Variants in DENND6A observed in about 807,000 individuals in gnomAD.
DENND6A encodes the protein DENN domain containing 6A, also known as protein DENND6A.
A neutral mutation model predicts 95.5 loss-of-function variants in DENND6A; 43 were observed. The ratio of observed to expected loss-of-function variants is 0.45; its 90% CI spans 0.35 to 0.58. DENND6A has a LOEUF of 0.58. Ranked by LOEUF, DENND6A falls within the 20% of genes least tolerant of loss-of-function variation. The pLI is 0.00. For missense variants in DENND6A, 574 were observed against 736.0 expected, an observed-to-expected ratio of 0.78 and a Z score of 2.55; for synonymous variants, 257 against 260.4, an observed-to-expected ratio of 0.99 and a Z score of 0.13.
rs1179824805 is a variant in DENND6A at position 57,641,711 on chromosome 3, A to C, written c.1074T>G (p.Phe358Leu). Residue 358 changes from phenylalanine to leucine, a missense_variant, in exon 12 of 20, where the codon TTT becomes TTG. Physicochemically the swap from Phe to Leu is conservative, Grantham distance 22. This residue lies in a region of DENND6A where 452 missense variants were observed against 630.9 expected (regional missense o/e 0.72). Transcript: ENST00000311128. ...SVILGVTNPF[F>L]AKTLQHWPHI... is the part of the protein sequence containing the mutation. ...GTGGCCAGTGCTGGAGTGTCTTAGC[A>C]AAAAAAGGGTTGGTTACTCCTAATA... The C allele has an allele frequency of 6.2e-7, 1 of 1,611,466 alleles. No homozygotes were observed. The highest frequency in any genetic ancestry group is 1.7e-5 in the Admixed American group (1 of 59,846).
intron 18 of DENND6A, 77 bp downstream of exon 18, chr3:57,630,344 C>T: frequency 7.6e-7 from 1 of 1,308,352 alleles, no homozygotes; most frequent in South Asian, 1.5e-5. Context: ...ATAAAGGGTA[C>T]AATCTTCAAC....
chr3:57,692,933 G>A lies in DENND6A; in HGVS notation c.86C>T (p.Ala29Val), dbSNP rs2077284763. The A allele has an allele frequency of 6.4e-7, 1 of 1,560,136 alleles. No individual in the cohort carries two copies. The highest frequency in any genetic ancestry group is 8.6e-7 in the Non-Finnish European group (1 of 1,159,832). Residue 29 changes from alanine (A) to valine (V), a missense_variant, in exon 1 of 20, where the codon GCG (alanine) becomes GTG (valine). Ala to Val is a moderately conservative substitution (Grantham distance 64, BLOSUM62 0). Around this residue, in one of 2 missense-constraint regions of DENND6A, gnomAD observed 122 missense variants for 105.1 expected, o/e 1.16. Transcript: ENST00000311128. ...EAVAGAEGRE[A>V]PALVAAGGAP... Reference sequence around the variant, plus strand: ...GCCTCCCGCCGCCACAAGGGCCGGCGCCTCGCGGCCCTCGGCCCCTGCCAC... The same window carrying A: ...GCCTCCCGCCGCCACAAGGGCCGGCACCTCGCGGCCCTCGGCCCCTGCCAC...
chr3:57,659,051 C>A, intron 8 of DENND6A, 67 bp downstream of exon 8: 7 of 1,443,588 alleles, frequency 4.8e-6, no homozygotes, highest in Non-Finnish European at 6.7e-6. Flanking sequence ...TCTGCATTTG[C>A]TAGTTTAAAA....
chr3:57,661,641 A>G, intron 5 of DENND6A, 90 bp from the exon 6 acceptor site: 1 of 1,030,886 alleles, frequency 9.7e-7, no homozygotes, highest in Middle Eastern at 2.0e-4. Flanking sequence ...TTCAGCAAAA[A>G]GTGTGGATTT....
Position 57,661,809 on chromosome 3 carries a change from T to C in DENND6A, c.514-258A>G, listed in dbSNP as rs570763491. 2.6e-5 allele frequency among the ~76,000 whole-genome samples: 4 copies of C among 152,292 alleles called. No homozygotes were observed. The East Asian group carries it at 5.8e-4, about 22-fold the overall frequency. ...AAAGAATTTCCTATCAACAAACTAA[T>C]GTCATGAGTAACTTCAAAAGTCTAG... On this transcript the variant is annotated intron_variant, in intron 5 of 19. Coordinates refer to ENST00000311128, the MANE Select transcript of DENND6A (RefSeq NM_152678.3).
chr3:57,633,382 T>C (rs753214193), intron 14 of DENND6A, 28 bp from the exon 15 acceptor site: 18 of 1,556,638 alleles, frequency 1.2e-5, no homozygotes, highest in Non-Finnish European at 1.6e-5. Flanking sequence ...TGAGAATCTG[T>C]ATTCTAGTGT....
intron 9 of DENND6A, among the ~76,000 whole-genome samples, chr3:57,651,387 A>G (rs1246825541): frequency 6.6e-6 from 1 of 152,198 alleles, no homozygotes; most frequent in Admixed American, 6.5e-5. Flanking sequence ...TATAAACATT[A>G]TTCTGGGTGA....
At chr3:57,653,054 G>A (rs2071242893) in intron 9 of DENND6A, among the ~76,000 whole-genome samples, 1 of 152,116 alleles carries the variant, frequency 6.6e-6, no homozygotes, top group Non-Finnish European at 1.5e-5. Context: ...TTGTTTGTAG[G>A]AAATAGACTC....
chr3:57,681,840 T>C lies in DENND6A; in HGVS notation c.238-9402A>G, dbSNP rs979253406. On this transcript the variant is annotated intron_variant, in intron 1 of 19. Coordinates refer to ENST00000311128, the MANE Select transcript of DENND6A (RefSeq NM_152678.3). The stretch of plus-strand genomic sequence containing the variant: ...CAGAAGCTTATTAGTGGCTGCTAGA[T>C]GCCAGGGAAAAAGTGGAATGGGTAT... Among the ~76,000 whole-genome samples the C allele has an allele frequency of 2.6e-5, 4 of 152,114 alleles. No homozygotes were observed. The East Asian group carries it at 5.8e-4, about 22-fold the overall frequency.
At chr3:57,630,851 G>A in intron 16 of DENND6A, 27 bp from the exon 17 acceptor site, 1 of 1,610,374 alleles carries the variant, frequency 6.2e-7, no homozygotes. Context: ...ATAATATTTA[G>A]AAATTAGGAG....
At chr3:57,628,656 A>G (rs557096311) in intron 19 of DENND6A, among the ~76,000 whole-genome samples, 155 bp downstream of exon 19, 1 of 152,362 alleles carries the variant, frequency 6.6e-6, no homozygotes, top group East Asian at 1.9e-4. Flanking sequence ...TCAGTGACCA[A>G]GTATTTTCAG....
rs1189672713 is a variant in DENND6A, at chr3:57,663,463, CA to C, written c.513+172del. 6.9e-4 allele frequency among the ~76,000 whole-genome samples: 36 copies of C among 51,938 alleles called. No homozygotes were observed. The East Asian group carries it at 0.021, about 30-fold the overall frequency. 34.1% of individuals were successfully genotyped at this position (51,938 alleles called of 152,430 possible). On this transcript the variant is annotated intron_variant, in intron 5 of 19. Coordinates refer to ENST00000311128, the MANE Select transcript of DENND6A (RefSeq NM_152678.3). ...TGGGTGACAGAGCGAGACTCCACCT[CA>C]AAAAAAAAAAAAAAAAAAAAAAAAT...
chr3:57,677,282 T>C (rs1464128014), intron 1 of DENND6A, among the ~76,000 whole-genome samples: 1 of 152,208 alleles, frequency 6.6e-6, no homozygotes, highest in Non-Finnish European at 1.5e-5. Flanking sequence ...AGCAGGAAGA[T>C]GGACAGAAAC....
At chr3:57,663,761 A>AT (rs1434576809) in intron 4 of DENND6A, 45 bp from the exon 5 acceptor site, 1 of 1,159,170 alleles carries the variant, frequency 8.6e-7, no homozygotes, top group East Asian at 2.5e-5. Flanking sequence ...GGGTACATAT[A>AT]TATGTATCTA....
chr3:57,636,707 C>A (rs763359433), intron 12 of DENND6A, among the ~76,000 whole-genome samples: 1 of 152,130 alleles, frequency 6.6e-6, no homozygotes, highest in East Asian at 1.9e-4. Flanking sequence ...AAAGCTGAGG[C>A]GGGTGGATCA....
chr3:57,643,871 C>T (rs1029217738), intron 11 of DENND6A, among the ~76,000 whole-genome samples: 3 of 151,318 alleles, frequency 2.0e-5, no homozygotes, highest in Non-Finnish European at 2.9e-5. Flanking sequence ...CAGTCTGGGC[C>T]AGGCGTGGTG....
intron 12 of DENND6A, among the ~76,000 whole-genome samples, chr3:57,635,171 A>G (rs2153412433): frequency 6.6e-6 from 1 of 152,276 alleles, no homozygotes; most frequent in Non-Finnish European, 1.5e-5. Context: ...TTAAATGACT[A>G]TGCAGATGTA....
At chr3:57,677,158 A>G (rs2071724405) in intron 1 of DENND6A, among the ~76,000 whole-genome samples, 1 of 152,076 alleles carries the variant, frequency 6.6e-6, no homozygotes, top group Non-Finnish European at 1.5e-5. Flanking sequence ...CAACTTTCCC[A>G]ACACTATTTG....
rs2070575843 is a variant in DENND6A at position 57,628,242 on chromosome 3, C to G, written c.1799G>C (p.Gly600Ala). ...TGTCATGCCCGTTTTGAGCAGTATG[C>G]CTTGCAAGTCCTCTGGCAATGCTAA... ...IILALPEDLQGILLKTGMT is the reference protein window; with the variant it reads ...IILALPEDLQAILLKTGMT The change falls in exon 20 of 20, where the codon GGC becomes GCC. Residue 600 changes from glycine (G) to alanine (A), a missense_variant. Around this residue, in one of 2 missense-constraint regions of DENND6A, gnomAD observed 452 missense variants for 630.9 expected, o/e 0.72. Transcript: ENST00000311128. The G allele has an allele frequency of 1.2e-6, 2 of 1,613,666 alleles. No homozygotes were observed. The highest frequency in any genetic ancestry group is 1.3e-5 in the African/African-American group (1 of 75,008).
Sources: allele counts gnomAD v4.1 joint callset (sites outside exome capture counted in the v4.1 genomes callset), GRCh38; gene constraint gnomAD v4.1.1; regional missense constraint gnomAD v4.1.1; transcripts MANE v1.5; gene names NCBI Gene and HGNC (gene_info 2026-07-23, HGNC 2026-07-21).